Variants in PTPRN2 observed in about 807,000 individuals in gnomAD.
PTPRN2 encodes protein tyrosine phosphatase receptor type N2.
In PTPRN2, 74 loss-of-function variants were observed where a neutral mutation model predicts 118.8. The observed-to-expected ratio is 0.62, with a 90% confidence interval of 0.52 to 0.76. The LOEUF is 0.76. PTPRN2 is among the 30% of genes least tolerant of loss of function. PTPRN2 has a pLI of 0.00. For missense variants in PTPRN2, 1,481 were observed against 1,394.4 expected, an observed-to-expected ratio of 1.06 and a Z score of -0.99; for synonymous variants, 641 against 608.0, an observed-to-expected ratio of 1.05 and a Z score of -0.80.
intron 11 of PTPRN2, among the ~76,000 whole-genome samples, chr7:157,969,824 G>A (rs1802196202): frequency 6.6e-6 from 1 of 152,080 alleles, no homozygotes; most frequent in Admixed American, 6.5e-5. Context: ...AGACCTGGAT[G>A]TTGACTCTCC....
At chr7:158,228,090 T>A (rs552202772) in intron 3 of PTPRN2, among the ~76,000 whole-genome samples, 1 of 152,348 alleles carries the variant, frequency 6.6e-6, no homozygotes, top group African/African-American at 2.4e-5. Flanking sequence ...TTGTTGGTGA[T>A]ATTTTATGTC....
At chr7:158,270,962 CT>C (rs1264258101) in intron 3 of PTPRN2, among the ~76,000 whole-genome samples, 7 of 39,472 alleles carry the variant, frequency 1.8e-4, no homozygotes, top group East Asian at 8.3e-4. Context: ...TGGACCACCC[CT>C]CCACCTGGAC....
At chr7:157,811,331 A>ATT (rs1434679269) in intron 12 of PTPRN2, among the ~76,000 whole-genome samples, 1 of 41,298 alleles carries the variant, frequency 2.4e-5, no homozygotes, top group East Asian at 6.3e-4. Context: ...AATCTACTCT[A>ATT]TTATATATAT....
In PTPRN2 at chr7:157,661,929, C is replaced by T. The variant is rs530779422; in HGVS notation, c.2002-5378G>A. Among the ~76,000 whole-genome samples, 23 of 152,328 alleles carry T rather than the reference C, an allele frequency of 1.5e-4. No individual in the cohort carries two copies. In the South Asian group the frequency reaches 1.7e-3, roughly 11 times the overall value. ...CAAAGCTGCCCTGAGACAGAGGCAA[C>T]GGGGCCACCATGGACGCCTCCTAGA... On this transcript the variant is annotated intron_variant, in intron 13 of 22. Coordinates refer to ENST00000389418, the MANE Select transcript of PTPRN2 (RefSeq NM_002847.5).
intron 11 of PTPRN2, among the ~76,000 whole-genome samples, chr7:158,007,844 T>G (rs1206058419): frequency 1.4e-5 from 2 of 141,372 alleles, no homozygotes; most frequent in East Asian, 2.2e-4. Context: ...TGTGTGGGTG[T>G]GTGTGTGCTG....
At chr7:157,933,068 T>G (rs376787084) in intron 11 of PTPRN2, among the ~76,000 whole-genome samples, 9 of 121,306 alleles carry the variant, frequency 7.4e-5, no homozygotes, top group South Asian at 5.6e-4. Flanking sequence ...CTGACTGGCA[T>G]TTTTAGAGGA....
intron 12 of PTPRN2, among the ~76,000 whole-genome samples, chr7:157,803,453 G>C (rs139547290): frequency 2.0e-3 from 301 of 152,326 alleles, no homozygotes; most frequent in Non-Finnish European, 3.2e-3. Flanking sequence ...TGTCCTGCAT[G>C]TTCACATTTG....
At position 157,587,172 on chromosome 7, in the gene PTPRN2, C is replaced by T. The variant is rs564350011; in HGVS notation, c.2496+8066G>A. ...ACAGGCAGACAGGCAGGCAGACAGA[C>T]AAGACAGGCAGATAGAGACAAGACA... On this transcript the variant is annotated intron_variant, in intron 17 of 22. Coordinates refer to ENST00000389418, the MANE Select transcript of PTPRN2 (RefSeq NM_002847.5). The surrounding 1 kb of genome is among the most constrained non-coding windows in gnomAD (Gnocchi z 5.3). 2.1e-5 allele frequency among the ~76,000 whole-genome samples: 3 copies of T among 146,314 alleles called. No homozygotes were observed. Among genetic ancestry groups the T allele is most frequent in the African/African-American group, 4.9e-5 (2 of 41,014 alleles).
In PTPRN2 at chr7:158,022,170, G is replaced by C. The variant is rs1033749594; in HGVS notation, c.1723+59128C>G. 1.3e-5 allele frequency among the ~76,000 whole-genome samples: 2 copies of C among 152,194 alleles called. No homozygotes were observed. Among genetic ancestry groups the C allele is most frequent in the African/African-American group, 4.8e-5 (2 of 41,438 alleles). On this transcript the variant is annotated intron_variant, in intron 11 of 22. Transcript: ENST00000389418. This position sits in a 1 kb window ranked among gnomAD's most constrained non-coding sequence, Gnocchi z 4.6. ...GCTTGTCAGCAGCTTCCACAGACAT[G>C]GTGAGAGGAGACATTCAAGGATGAA...
intron 2 of PTPRN2, among the ~76,000 whole-genome samples, chr7:158,480,410 T>C (rs1255142757): frequency 6.6e-6 from 1 of 152,158 alleles, no homozygotes; most frequent in Non-Finnish European, 1.5e-5. Context: ...TCGCTCCCTC[T>C]CCTCCAGCCT....
intron 2 of PTPRN2, among the ~76,000 whole-genome samples, chr7:158,431,319 A>G (rs1460148190): frequency 6.6e-6 from 1 of 150,430 alleles, no homozygotes; most frequent in Non-Finnish European, 1.5e-5. Context: ...CACTGGGCAC[A>G]TACTGGCCAC....
At chr7:158,390,712 C>T (rs986106360) in intron 2 of PTPRN2, among the ~76,000 whole-genome samples, 1 of 152,262 alleles carries the variant, frequency 6.6e-6, no homozygotes, top group South Asian at 2.1e-4. Flanking sequence ...CCCCTCAGCT[C>T]TCAGCGCACT....
chr7:158,045,923 T>C (rs1281587940), intron 11 of PTPRN2, among the ~76,000 whole-genome samples: 1 of 147,198 alleles, frequency 6.8e-6, no homozygotes, highest in Non-Finnish European at 1.5e-5. Context: ...GACACTGCCG[T>C]GTTCTGTCCA....
intron 10 of PTPRN2, among the ~76,000 whole-genome samples, chr7:158,092,619 A>G (rs891246829): frequency 1.3e-5 from 2 of 152,172 alleles, no homozygotes; most frequent in Non-Finnish European, 2.9e-5. Context: ...TGAATTGCTC[A>G]TTCTGTTTCT....
intron 13 of PTPRN2, among the ~76,000 whole-genome samples, chr7:157,659,708 C>CA (rs201248841): frequency 2.8e-4 from 42 of 151,216 alleles, no homozygotes; most frequent in Admixed American, 3.3e-4. Context: ...AATAAACAAA[C>CA]AAAAAAAACC....
intron 11 of PTPRN2, among the ~76,000 whole-genome samples, chr7:157,959,452 A>G (rs4716843): frequency 0.83 from 125,717 of 152,246 alleles, 52,493 homozygotes; most frequent in East Asian, 0.89. Context: ...GAGAGAAAAC[A>G]TTTGAAAATT....
chr7:157,616,613 G>A (rs965656181), intron 15 of PTPRN2: 16 of 152,148 alleles, frequency 1.1e-4, no homozygotes, highest in African/African-American at 3.9e-4. Flanking sequence ...AGATCAAAAG[G>A]GGTGAAGGGA....
intron 11 of PTPRN2, among the ~76,000 whole-genome samples, chr7:158,054,673 T>A (rs950359897): frequency 6.6e-5 from 10 of 152,062 alleles, no homozygotes; most frequent in Non-Finnish European, 1.0e-4. Context: ...TCTCTGCCCA[T>A]CCCACACCTC....
intron 2 of PTPRN2, among the ~76,000 whole-genome samples, chr7:158,366,573 A>G (rs1478780926): frequency 6.6e-6 from 1 of 152,218 alleles, no homozygotes; most frequent in Non-Finnish European, 1.5e-5. Context: ...GAACAAGCCC[A>G]CAGCGCCTTG....
Sources: gnomAD v4.1 joint callset for allele counts (sites outside exome capture counted in the v4.1 genomes callset) on GRCh38, gnomAD v4.1.1 for gene constraint, Gnocchi (gnomAD v3.1) non-coding constraint, MANE v1.5 for transcripts, NCBI Gene and HGNC (gene_info 2026-07-23, HGNC 2026-07-21) for gene names.